IMMT: variants seen among roughly 807,000 people sequenced by gnomAD.
IMMT encodes MICOS complex subunit MIC60.
A neutral mutation model predicts 92.7 loss-of-function variants in IMMT; 40 were observed. The observed-to-expected ratio is 0.43, with a 90% CI of 0.34 to 0.56. The LOEUF is 0.56. IMMT is among the 20% of genes least tolerant of loss of function. IMMT has a pLI of 0.03. For missense variants in IMMT, 831 were observed against 912.1 expected (o/e 0.91, Z 1.14); for synonymous variants, 322 against 336.1 (o/e 0.96, Z 0.46).
intron 1 of IMMT, among the ~76,000 whole-genome samples, chr2:86,188,248 T>C (rs1037329350): frequency 5.9e-5 from 9 of 152,092 alleles, no homozygotes; most frequent in Non-Finnish European, 1.5e-5. Context: ...TTAGTGGTTG[T>C]GAACTGAGTA....
At chr2:86,160,292 T>C (rs745328457) in intron 8 of IMMT, among the ~76,000 whole-genome samples, 10 of 152,210 alleles carry the variant, frequency 6.6e-5, no homozygotes, top group Non-Finnish European at 1.5e-4. Flanking sequence ...AAGTACTTAG[T>C]GCCTGGCTGA....
chr2:86,173,826 T>C, intron 3 of IMMT, 65 bp from the exon 4 acceptor site: 2 of 834,282 alleles, frequency 2.4e-6, no homozygotes, highest in Non-Finnish European at 3.8e-6. Flanking sequence ...TACAGTGATT[T>C]GCAGTATTTC....
chr2:86,147,180 A>G (rs1675082187), intron 13 of IMMT, among the ~76,000 whole-genome samples: 1 of 152,204 alleles, frequency 6.6e-6, no homozygotes, highest in South Asian at 2.1e-4. Flanking sequence ...TTCTCAGAAA[A>G]ATATCCAAAT....
intron 1 of IMMT, 95 bp downstream of exon 1, chr2:86,195,243 G>T (rs1673456156): frequency 1.5e-6 from 2 of 1,348,306 alleles, no homozygotes; most frequent in Non-Finnish European, 2.0e-6. Context: ...GCTCGCCTTT[G>T]TCCTGGAGGC....
At chr2:86,146,403 G>A (rs970177879) in intron 13 of IMMT, among the ~76,000 whole-genome samples, 5 of 146,332 alleles carry the variant, frequency 3.4e-5, no homozygotes, top group African/African-American at 1.3e-4. Flanking sequence ...ATGGAATCTT[G>A]CTTTATTGCC....
At chr2:86,157,809 A>AG (rs1347375539) in intron 10 of IMMT, among the ~76,000 whole-genome samples, 1 of 150,564 alleles carries the variant, frequency 6.6e-6, no homozygotes, top group African/African-American at 2.4e-5. Context: ...AAAAAGAAAA[A>AG]AAAAAAAAGG....
At chr2:86,186,199 G>A (rs1046285279) in intron 1 of IMMT, among the ~76,000 whole-genome samples, 2 of 152,190 alleles carry the variant, frequency 1.3e-5, no homozygotes, top group Admixed American at 1.3e-4. Flanking sequence ...TGATTCAGAT[G>A]ACAAGATCTT....
chr2:86,159,856 C>A, intron 8 of IMMT, 185 bp from the exon 9 acceptor site: 1 of 396,520 alleles, frequency 2.5e-6, no homozygotes, highest in Non-Finnish European at 4.4e-6. Flanking sequence ...GAGTTCAAGA[C>A]CAGCCTGGAC....
chr2:86,155,622 C>G (rs142818599), intron 10 of IMMT, among the ~76,000 whole-genome samples: 1,581 of 152,290 alleles, frequency 0.01, 12 homozygotes, highest in Non-Finnish European at 0.016. Flanking sequence ...ACAGATAACA[C>G]AGAAAGAGTA....
chr2:86,145,126 T>G (rs567123439), intron 14 of IMMT, among the ~76,000 whole-genome samples: 1 of 152,174 alleles, frequency 6.6e-6, no homozygotes, highest in South Asian at 2.1e-4. Flanking sequence ...CCTTTACTAG[T>G]TGAGAAAGAA....
chr2:86,181,199 A>T, intron 2 of IMMT, 100 bp downstream of exon 2: 2 of 815,690 alleles, frequency 2.5e-6, no homozygotes, highest in Non-Finnish European at 2.1e-6. Flanking sequence ...ACCCCTTTTT[A>T]AAAAAAGGTT....
At chr2:86,163,959 C>CAAAAAAAAA (rs70953998) in intron 7 of IMMT, among the ~76,000 whole-genome samples, 2 of 91,944 alleles carry the variant, frequency 2.2e-5, no homozygotes, top group Non-Finnish European at 4.6e-5. Flanking sequence ...ACTCCATCTC[C>CAAAAAAAAA]AAAAAAAAAG....
chr2:86,148,553 C>A lies in IMMT; in HGVS notation c.1402-720G>T, dbSNP rs114357849. 7.2e-3 allele frequency among the ~76,000 whole-genome samples: 1,090 copies of A among 152,088 alleles called. 18 individuals carry two copies. The highest frequency in any genetic ancestry group is 0.024 in the African/African-American group (976 of 41,492). ...CGTGAACCGAGGAGGCAGAGCTTGC[C>A]GTGAGCCAAGATTGCGCTGCTGCAC... On this transcript the variant is annotated intron_variant, in intron 12 of 14. Coordinates refer to ENST00000410111, the MANE Select transcript of IMMT (RefSeq NM_006839.3).
rs138631468 is a variant in IMMT at position 86,181,339 on chromosome 2, A to G, written c.79T>C (p.Leu27=). ...CLCGKFVLRP[L]RPCRRYSTSG... ...GTAGAGTATCTGCGGCATGGTCGCAATGGACGGAGGACAAACTTCCCACAG... is the reference window on the plus strand; with the variant it reads ...GTAGAGTATCTGCGGCATGGTCGCAGTGGACGGAGGACAAACTTCCCACAG... The change falls in exon 2 of 15, where the codon TTG becomes CTG. Residue 27 remains leucine, a synonymous_variant. Transcript: ENST00000410111. 249 of 1,613,910 alleles carry G rather than the reference A, an allele frequency of 1.5e-4. No homozygotes were observed. The African/African-American group carries it at 3.0e-3, about 19-fold the overall frequency.
At chr2:86,156,126 A>T (rs961608413) in intron 10 of IMMT, among the ~76,000 whole-genome samples, 2 of 152,078 alleles carry the variant, frequency 1.3e-5, no homozygotes, top group African/African-American at 4.8e-5. Flanking sequence ...CTCTGCTGTA[A>T]GGGGGCTATT....
chr2:86,172,151 T>G (rs1677141829), intron 4 of IMMT, among the ~76,000 whole-genome samples: 1 of 151,870 alleles, frequency 6.6e-6, no homozygotes, highest in South Asian at 2.1e-4. Context: ...CATTTTTTTG[T>G]AGAGACAGGG....
chr2:86,179,715 C>CCTG, intron 2 of IMMT, 93 bp from the exon 3 acceptor site: 2 of 935,408 alleles, frequency 2.1e-6, no homozygotes, highest in South Asian at 1.9e-5. Context: ...GACCTCTAGC[C>CCTG]TCTACTTATC....
intron 13 of IMMT, 26 bp from the exon 14 acceptor site, chr2:86,146,223 GA>G (rs1200194356): frequency 4.4e-6 from 7 of 1,586,268 alleles, no homozygotes; most frequent in Non-Finnish European, 6.0e-6. Flanking sequence ...AATAGTTCCA[GA>G]AAAAAGTGAT....
chr2:86,185,198 T>G (rs551803568), intron 1 of IMMT, among the ~76,000 whole-genome samples: 1 of 151,056 alleles, frequency 6.6e-6, no homozygotes, highest in African/African-American at 2.4e-5. Flanking sequence ...GAGTTCCAAG[T>G]ATAGTGTTCA....
Sources: gnomAD v4.1 joint callset for allele counts (sites outside exome capture counted in the v4.1 genomes callset) on GRCh38, gnomAD v4.1.1 for gene constraint, MANE v1.5 for transcripts, NCBI Gene and HGNC (gene_info 2026-07-23, HGNC 2026-07-21) for gene names.